The following KIRREL3 variants were observed in gnomAD, a reference collection of about 807,000 sequenced individuals.
KIRREL3 encodes kin of IRRE-like protein 3.
Under a neutral mutation model 89.7 loss-of-function variants are expected in KIRREL3, and 36 were observed. The observed-to-expected ratio is 0.40, with a 90% CI of 0.31 to 0.53. The LOEUF is 0.53. KIRREL3 is among the 20% of genes least tolerant of loss of function. The probability of loss-of-function intolerance (pLI) is 0.49; values close to 1 mark genes in which losing one functional copy is unlikely to be tolerated. For synonymous variants in KIRREL3, 445 were observed against 441.4 expected, an observed-to-expected ratio of 1.01 and a Z score of -0.10; for missense variants, 864 against 1,056.6, an observed-to-expected ratio of 0.82 and a Z score of 2.53.
At chr11:126,813,431 T>G (rs1347041021) in intron 1 of KIRREL3, among the ~76,000 whole-genome samples, 8 of 152,204 alleles carry the variant, frequency 5.3e-5, no homozygotes, top group Non-Finnish European at 1.0e-4. Context: ...TTATCACACA[T>G]TTGCACTGCC....
At chr11:126,457,386 C>G (rs181694180) in intron 6 of KIRREL3, among the ~76,000 whole-genome samples, 1 of 137,470 alleles carries the variant, frequency 7.3e-6, no homozygotes, top group African/African-American at 2.8e-5. Context: ...TGTGTGTATG[C>G]GTGTGTGTGT....
chr11:126,446,281 TTCTCCTTTCTTTCTTTCTTTC>T (rs1955802094), intron 9 of KIRREL3, among the ~76,000 whole-genome samples: 3 of 97,574 alleles, frequency 3.1e-5, no homozygotes, highest in African/African-American at 1.1e-4. Flanking sequence ...TTTCTTTTCT[TTCTCCTTTCTTTCTTTCTTTC>T]TCTCTCTCTC....
In KIRREL3 at chr11:126,995,153, G is replaced by A; in HGVS notation, c.55+5302C>T. On this transcript the variant is annotated intron_variant, in intron 1 of 16. Transcript: ENST00000525144. The surrounding 1 kb of genome is among the most constrained non-coding windows in gnomAD (Gnocchi z 6.5). ...TCACTCCCTTACGAATAGCTGTGATGGGATATGAAATCCAAGGGAACTGTT... is the reference window on the plus strand; with the variant it reads ...TCACTCCCTTACGAATAGCTGTGATAGGATATGAAATCCAAGGGAACTGTT... The A allele has an allele frequency of 2.2e-6, 1 of 455,624 alleles. No homozygotes were observed. The highest frequency in any genetic ancestry group is 4.4e-6 in the Non-Finnish European group (1 of 226,876). The allele number at this position is 455,624 out of a possible 1,614,324, so 28.2% of individuals were successfully genotyped here. A position where few individuals can be genotyped will look rare whatever the true frequency, so the allele number is the denominator to read the frequency against.
rs375320123 is a variant in KIRREL3 at position 126,486,780 on chromosome 11, C to T, written c.434-13314G>A. ...TGCCCCAACCACTCAGTCCTAACTG[C>T]GGTACCATAGGCTGTGCTAGCAGGA... On this transcript the variant is annotated intron_variant, in intron 4 of 16. Transcript: ENST00000525144. The surrounding 1 kb of genome is among the most constrained non-coding windows in gnomAD (Gnocchi z 6.2). 1.4e-4 allele frequency among the ~76,000 whole-genome samples: 22 copies of T among 152,192 alleles called. No individual in the cohort carries two copies. The highest frequency in any genetic ancestry group is 2.9e-4 in the African/African-American group (12 of 41,450).
intron 1 of KIRREL3, among the ~76,000 whole-genome samples, chr11:126,596,792 G>A (rs550237144): frequency 1.3e-5 from 2 of 152,248 alleles, no homozygotes; most frequent in South Asian, 4.1e-4. Flanking sequence ...TATTAATAAG[G>A]TAATAAGAAC....
At position 126,664,167 on chromosome 11, in the gene KIRREL3, C is replaced by T. The variant is rs1028707138; in HGVS notation, c.56-101255G>A. ...AAGTTGAATGGGAATATCCATAATG[C>T]ACCTCCTATCCTCTATTACCATTCT... On this transcript the variant is annotated intron_variant, in intron 1 of 16. Coordinates refer to ENST00000525144, the MANE Select transcript of KIRREL3 (RefSeq NM_032531.4). The surrounding 1 kb of genome is among the most constrained non-coding windows in gnomAD (Gnocchi z 5.4). 6.6e-6 allele frequency among the ~76,000 whole-genome samples: 1 copy of T among 152,140 alleles called. No homozygotes were observed. The highest frequency in any genetic ancestry group is 2.4e-5 in the African/African-American group (1 of 41,424).
At position 127,000,379 on chromosome 11, in the gene KIRREL3, C is replaced by G; in HGVS notation, c.55+76G>C. The G allele has an allele frequency of 7.7e-7, 1 of 1,291,044 alleles. No homozygotes were observed. Among genetic ancestry groups the G allele is most frequent in the Non-Finnish European group, 1.1e-6 (1 of 924,052 alleles). 80.0% of individuals were successfully genotyped at this position (1,291,044 alleles called of 1,614,324 possible). A position where few individuals can be genotyped will look rare whatever the true frequency, so the allele number is the denominator to read the frequency against. ...AGTCCGAGTTCCCGAAGCCTGCCCA[C>G]GTTCCTGCCCACAGCCTCCCGCGCC... On this transcript the variant is annotated intron_variant, in intron 1 of 16. Transcript: ENST00000525144. This position sits in a 1 kb window ranked among gnomAD's most constrained non-coding sequence, Gnocchi z 7.1.
rs921719094 is a variant in KIRREL3, at chr11:126,795,914, G to T, written c.55+204541C>A. 3.9e-5 allele frequency among the ~76,000 whole-genome samples: 6 copies of T among 152,050 alleles called. No individual in the cohort carries two copies. Among genetic ancestry groups the T allele is most frequent in the African/African-American group, 1.4e-4 (6 of 41,396 alleles). The stretch of plus-strand genomic sequence containing the variant: ...AGGCTCGTCCTCACCCTGGGTAAAG[G>T]CTCATGCAGGCATTGGGAAAAGCAT... On this transcript the variant is annotated intron_variant, in intron 1 of 16. Coordinates refer to ENST00000525144, the MANE Select transcript of KIRREL3 (RefSeq NM_032531.4). The surrounding 1 kb of genome is among the most constrained non-coding windows in gnomAD (Gnocchi z 4.1).
chr11:126,806,846 C>T (rs1009271843), intron 1 of KIRREL3, among the ~76,000 whole-genome samples: 2 of 152,100 alleles, frequency 1.3e-5, no homozygotes, highest in Admixed American at 1.3e-4. Context: ...CCCCCACCCC[C>T]AACAGGCTCC....
intron 1 of KIRREL3, among the ~76,000 whole-genome samples, chr11:126,888,003 A>C (rs1395574118): frequency 2.0e-5 from 3 of 152,218 alleles, no homozygotes; most frequent in African/African-American, 4.8e-5. Flanking sequence ...TAATGTGGAC[A>C]TCAATTCCTT....
In KIRREL3 at chr11:126,923,217, T is replaced by C. The variant is rs1177954199; in HGVS notation, c.55+77238A>G. On this transcript the variant is annotated intron_variant, in intron 1 of 16. Transcript: ENST00000525144. The stretch of plus-strand genomic sequence containing the variant: ...CTTCTTCTTCTTCTTCTTCTTCTTC[T>C]TCTTCTTCTTCTTCTTCTTCTTCTT... Among the ~76,000 whole-genome samples, 2 of 23,944 alleles carry C rather than the reference T, an allele frequency of 8.4e-5. 1 individual carries two copies. The highest frequency in any genetic ancestry group is 1.7e-4 in the Non-Finnish European group (2 of 11,948). The allele number at this position is 23,944 out of a possible 152,430, so 15.7% of individuals were successfully genotyped here.
chr11:126,862,620 C>G (rs372442814), intron 1 of KIRREL3, among the ~76,000 whole-genome samples: 1 of 152,216 alleles, frequency 6.6e-6, no homozygotes, highest in Non-Finnish European at 1.5e-5. Flanking sequence ...CTGCTCTCCA[C>G]GCTGCGTCAA....
chr11:126,970,638 T>A lies in KIRREL3; in HGVS notation c.55+29817A>T, dbSNP rs1949404989. Among the ~76,000 whole-genome samples the A allele has an allele frequency of 6.6e-6, 1 of 152,188 alleles. No homozygotes were observed. The highest frequency in any genetic ancestry group is 1.5e-5 in the Non-Finnish European group (1 of 68,038). ...ACTTTTGTGTACTCAGTTACCGAAT[T>A]GCTAATGAATTTACTAATGTTGTGA... On this transcript the variant is annotated intron_variant, in intron 1 of 16. Transcript: ENST00000525144. This position sits in a 1 kb window ranked among gnomAD's most constrained non-coding sequence, Gnocchi z 4.4.
In KIRREL3 at chr11:126,987,821, GTCTATCTTAAACCAATA is replaced by G. The variant is rs944523554; in HGVS notation, c.55+12617_55+12633del. ...CATGTTTTGCTAGTTTATCATAAGT[GTCTATCTTAAACCAATA>G]TTACAATTTTAAGCATGGCCTGGGT... is the stretch of plus-strand genomic sequence containing the variant. On this transcript the variant is annotated intron_variant, in intron 1 of 16. Transcript: ENST00000525144. This position sits in a 1 kb window ranked among gnomAD's most constrained non-coding sequence, Gnocchi z 4.6. Among the ~76,000 whole-genome samples, 1 of 152,146 alleles carries G rather than the reference GTCTATCTTAAACCAATA, an allele frequency of 6.6e-6. No individual in the cohort carries two copies. Among genetic ancestry groups the G allele is most frequent in the African/African-American group, 2.4e-5 (1 of 41,432 alleles).
In KIRREL3 at chr11:126,747,379, C is replaced by T. The variant is rs760375772; in HGVS notation, c.56-184467G>A. ...CCTCCATACTGAAAGCTAGTACCGT[C>T]GTCCCATGCTCTTCCCCATTATGTC... is the stretch of plus-strand genomic sequence containing the variant. On this transcript the variant is annotated intron_variant, in intron 1 of 16. Transcript: ENST00000525144. The surrounding 1 kb of genome is among the most constrained non-coding windows in gnomAD (Gnocchi z 4.7). Among the ~76,000 whole-genome samples the T allele has an allele frequency of 1.3e-5, 2 of 152,204 alleles. No homozygotes were observed. The highest frequency in any genetic ancestry group is 2.9e-5 in the Non-Finnish European group (2 of 68,028).
At chr11:126,472,802 T>C (rs1040867922) in intron 5 of KIRREL3, among the ~76,000 whole-genome samples, 1 of 137,998 alleles carries the variant, frequency 7.2e-6, no homozygotes, top group African/African-American at 2.7e-5. Flanking sequence ...TGAGAAAAAG[T>C]GACACAGAGT....
In KIRREL3 at chr11:126,817,863, C is replaced by T. The variant is rs1340519001; in HGVS notation, c.55+182592G>A. On this transcript the variant is annotated intron_variant, in intron 1 of 16. Transcript: ENST00000525144. The surrounding 1 kb of genome is among the most constrained non-coding windows in gnomAD (Gnocchi z 5.7). ...AGGCTGAGGGGGTCATTATGTGGAC[C>T]CACTACAACCCACGGGTGGGAAGCT... Among the ~76,000 whole-genome samples the T allele has an allele frequency of 6.6e-6, 1 of 152,142 alleles. No individual in the cohort carries two copies. The highest frequency in any genetic ancestry group is 1.5e-5 in the Non-Finnish European group (1 of 68,022).
intron 1 of KIRREL3, among the ~76,000 whole-genome samples, chr11:126,779,902 G>T (rs1281239832): frequency 6.6e-6 from 1 of 152,040 alleles, no homozygotes; most frequent in Non-Finnish European, 1.5e-5. Context: ...GCTACCATTG[G>T]GCCTTTAGGA....
In KIRREL3 at chr11:126,768,130, A is replaced by G. The variant is rs987621046; in HGVS notation, c.56-205218T>C. 2.4e-5 allele frequency among the ~76,000 whole-genome samples: 3 copies of G among 126,118 alleles called. No individual in the cohort carries two copies. Among genetic ancestry groups the G allele is most frequent in the Admixed American group, 8.5e-5 (1 of 11,764 alleles). 82.7% of individuals were successfully genotyped at this position (126,118 alleles called of 152,430 possible). On this transcript the variant is annotated intron_variant, in intron 1 of 16. Coordinates refer to ENST00000525144, the MANE Select transcript of KIRREL3 (RefSeq NM_032531.4). The surrounding 1 kb of genome is among the most constrained non-coding windows in gnomAD (Gnocchi z 4.5). ...CATCTGTCCATCCATCTGTCTATCC[A>G]TCTATCCATCCATCCATCCATCCAT... is the stretch of plus-strand genomic sequence containing the variant.
Sources: gnomAD v4.1 joint callset for allele counts (sites outside exome capture counted in the v4.1 genomes callset) on GRCh38, gnomAD v4.1.1 for gene constraint, Gnocchi (gnomAD v3.1) non-coding constraint, MANE v1.5 for transcripts, NCBI Gene and HGNC (gene_info 2026-07-23, HGNC 2026-07-21) for gene names.